Variants in TLX2 observed in about 807,000 individuals in gnomAD.
TLX2 encodes T cell leukemia homeobox 2, also known as T-cell leukemia homeobox protein 2.
Under a neutral mutation model 21.7 loss-of-function variants are expected in TLX2, and 15 were observed. That is an observed-to-expected ratio of 0.69 (90% CI 0.46 to 1.07). The LOEUF is 1.07. Ranked by LOEUF, TLX2 falls within the 50% of genes least tolerant of loss-of-function variation. The pLI is 0.00. For synonymous variants in TLX2, 213 were observed against 193.1 expected, an observed-to-expected ratio of 1.10 and a Z score of -0.85; for missense variants, 384 against 409.1, an observed-to-expected ratio of 0.94 and a Z score of 0.53.
chr2:74,514,740 T>G lies in TLX2; in HGVS notation c.-67T>G. 1 of 1,602,366 alleles carries G rather than the reference T, an allele frequency of 6.2e-7. No homozygotes were observed. Among genetic ancestry groups the G allele is most frequent in the Non-Finnish European group, 8.5e-7 (1 of 1,175,448 alleles). The stretch of plus-strand genomic sequence containing the variant: ...TCTCCGGAGCGCGCCGCCGCTGGGC[T>G]TCTGGCGCTGCCTGAGGCATCCTCC... On this transcript the variant is annotated 5_prime_UTR_variant, in exon 1 of 3. Coordinates refer to ENST00000233638, the MANE Select transcript of TLX2 (RefSeq NM_016170.5). The surrounding 1 kb of genome is among the most constrained non-coding windows in gnomAD (Gnocchi z 5.0).
In TLX2 at chr2:74,516,514, C is replaced by T; in HGVS notation, c.*325C>T. The T allele has an allele frequency of 8.2e-7, 1 of 1,226,856 alleles. No homozygotes were observed. Among genetic ancestry groups the T allele is most frequent in the Middle Eastern group, 3.2e-4 (1 of 3,124 alleles). The allele number at this position is 1,226,856 out of a possible 1,614,324, so 76.0% of individuals were successfully genotyped here. A position where few individuals can be genotyped will look rare whatever the true frequency, so the allele number is the denominator to read the frequency against. Reference sequence around the variant, plus strand: ...GGGCTGGCCAATGGGAGCTGCTTTCCTGAGGGACTCGAAATTCTCCGGCGG... The same window carrying T: ...GGGCTGGCCAATGGGAGCTGCTTTCTTGAGGGACTCGAAATTCTCCGGCGG... On this transcript the variant is annotated 3_prime_UTR_variant, in exon 3 of 3. Coordinates refer to ENST00000233638, the MANE Select transcript of TLX2 (RefSeq NM_016170.5).
In TLX2 at chr2:74,516,420, G is replaced by C; in HGVS notation, c.*231G>C. The C allele has an allele frequency of 2.1e-6, 3 of 1,414,842 alleles. No individual in the cohort carries two copies. The highest frequency in any genetic ancestry group is 2.8e-6 in the Non-Finnish European group (3 of 1,082,752). The allele number at this position is 1,414,842 out of a possible 1,614,324, so 87.6% of individuals were successfully genotyped here. ...TTCACTTCACTGCCGTTACGCCCTCGCTGGAACCTGAGGCGCCGAGAGGGC... is the reference window on the plus strand; with the variant it reads ...TTCACTTCACTGCCGTTACGCCCTCCCTGGAACCTGAGGCGCCGAGAGGGC... On this transcript the variant is annotated 3_prime_UTR_variant, in exon 3 of 3. Transcript: ENST00000233638.
rs755556297 is a variant in TLX2, at chr2:74,516,036, G to T, written c.702G>T (p.Leu234=). ...RHRAGRLLLH[L]QQDALPRPLR... Reference sequence around the variant, plus strand: ...GCGCGGGCCGGCTGCTCCTGCATCTGCAGCAGGACGCGTTGCCACGGCCGC... The same window carrying T: ...GCGCGGGCCGGCTGCTCCTGCATCTTCAGCAGGACGCGTTGCCACGGCCGC... The change falls in exon 3 of 3, where the codon CTG becomes CTT. Residue 234 remains leucine, a synonymous_variant. Transcript: ENST00000233638. The T allele has an allele frequency of 1.3e-5, 21 of 1,564,662 alleles. No homozygotes were observed. The highest frequency in any genetic ancestry group is 6.9e-5 in the South Asian group (6 of 86,392).
chr2:74,514,667 G>C lies in TLX2; in HGVS notation c.-140G>C. 1 of 1,496,872 alleles carries C rather than the reference G, an allele frequency of 6.7e-7. No individual in the cohort carries two copies. The highest frequency in any genetic ancestry group is 1.4e-5 in the African/African-American group (1 of 69,208). The allele number at this position is 1,496,872 out of a possible 1,614,324, so 92.7% of individuals were successfully genotyped here. ...GTGCACAGGGATGCTGCTGTTTCGG[G>C]GACCCCGGCGCCCTGCCTTGGCCAG... is the stretch of plus-strand genomic sequence containing the variant. On this transcript the variant is annotated 5_prime_UTR_variant, in exon 1 of 3. Transcript: ENST00000233638. The surrounding 1 kb of genome is among the most constrained non-coding windows in gnomAD (Gnocchi z 5.0).
In TLX2 at chr2:74,515,752, C is replaced by T. The variant is rs142188865; in HGVS notation, c.520C>T (p.Arg174Trp). ...FSRSQVLELE[R>W]RFLRQKYLAS... is the part of the protein sequence containing the mutation. Reference sequence around the variant, plus strand: ...CCGCTCACAGGTGCTGGAGTTGGAGCGGCGCTTCCTGCGCCAGAAGTACCT... The same window carrying T: ...CCGCTCACAGGTGCTGGAGTTGGAGTGGCGCTTCCTGCGCCAGAAGTACCT... Residue 174 changes from arginine (R) to tryptophan (W), a missense_variant, in exon 2 of 3, where the codon CGG (arginine) becomes TGG (tryptophan). Coordinates refer to ENST00000233638, the MANE Select transcript of TLX2 (RefSeq NM_016170.5). This position sits in a 1 kb window ranked among gnomAD's most constrained non-coding sequence, Gnocchi z 6.6. 1.2e-6 allele frequency: 2 copies of T among 1,613,328 alleles called. No homozygotes were observed. Among genetic ancestry groups the T allele is most frequent in the East Asian group, 2.2e-5 (1 of 44,892 alleles).
Position 74,516,060 on chromosome 2 carries a change from G to T in TLX2, c.726G>T (p.Pro242=). The part of the protein sequence containing the change: ...LHLQQDALPR[P]LRPPLPPDPL... ...TGCAGCAGGACGCGTTGCCACGGCC[G>T]CTGCGGCCGCCGCTGCCCCCGGACC... Residue 242 remains proline, a synonymous_variant, in exon 3 of 3, where the codon CCG becomes CCT. Transcript: ENST00000233638. 6.3e-7 allele frequency: 1 copy of T among 1,585,032 alleles called. No individual in the cohort carries two copies. Among genetic ancestry groups the T allele is most frequent in the Non-Finnish European group, 8.5e-7 (1 of 1,171,636 alleles).
At position 74,514,901 on chromosome 2, in the gene TLX2, G is replaced by A. The variant is rs763326631; in HGVS notation, c.95G>A (p.Gly32Glu). The A allele has an allele frequency of 4.3e-6, 7 of 1,611,866 alleles. No homozygotes were observed. The highest frequency in any genetic ancestry group is 5.9e-6 in the Non-Finnish European group (7 of 1,179,346). The change falls in exon 1 of 3, where the codon GGG becomes GAG. Residue 32 changes from glycine (G) to glutamate (E), a missense_variant. By Grantham distance (98) the Gly-to-Glu change is moderately conservative (BLOSUM62 -2). Coordinates refer to ENST00000233638, the MANE Select transcript of TLX2 (RefSeq NM_016170.5). The surrounding 1 kb of genome is among the most constrained non-coding windows in gnomAD (Gnocchi z 5.0). ...DQILSGPETP[G>E]GGLGLGRGGQ... ...ATCCTGAGCGGCCCCGAAACCCCAGGGGGCGGTCTAGGCCTGGGTCGCGGG... is the reference window on the plus strand; with the variant it reads ...ATCCTGAGCGGCCCCGAAACCCCAGAGGGCGGTCTAGGCCTGGGTCGCGGG...
Position 74,514,566 on chromosome 2 carries a change from G to A in TLX2, c.-241G>A. ...CAGCAAGGAAGCTCCAGGGGCCCCA[G>A]CTGGCCGTGCTCCCCCGGGATGCAA... On this transcript the variant is annotated 5_prime_UTR_variant, in exon 1 of 3. Coordinates refer to ENST00000233638, the MANE Select transcript of TLX2 (RefSeq NM_016170.5). The surrounding 1 kb of genome is among the most constrained non-coding windows in gnomAD (Gnocchi z 5.0). The A allele has an allele frequency of 7.1e-7, 1 of 1,399,196 alleles. No individual in the cohort carries two copies. Among genetic ancestry groups the A allele is most frequent in the Non-Finnish European group, 9.2e-7 (1 of 1,083,526 alleles). The allele number at this position is 1,399,196 out of a possible 1,614,324, so 86.7% of individuals were successfully genotyped here.
Position 74,515,778 on chromosome 2 carries a change from G to C in TLX2, c.546G>C (p.Leu182=). 1 of 1,613,220 alleles carries C rather than the reference G, an allele frequency of 6.2e-7. No individual in the cohort carries two copies. The highest frequency in any genetic ancestry group is 8.5e-7 in the Non-Finnish European group (1 of 1,179,908). ...GGCGCTTCCTGCGCCAGAAGTACCT[G>C]GCCTCTGCGGAGAGGGCGGCGCTGG... ...LERRFLRQKY[L]ASAERAALAK... is the part of the protein sequence containing the mutation. The change falls in exon 2 of 3, where the codon CTG becomes CTC. Residue 182 remains leucine, a synonymous_variant. Coordinates refer to ENST00000233638, the MANE Select transcript of TLX2 (RefSeq NM_016170.5). This position sits in a 1 kb window ranked among gnomAD's most constrained non-coding sequence, Gnocchi z 6.6.
In TLX2 at chr2:74,516,289, G is replaced by C. The variant is rs532848614; in HGVS notation, c.*100G>C. 3.9e-6 allele frequency: 6 copies of C among 1,528,122 alleles called. No homozygotes were observed. The African/African-American group carries it at 8.3e-5, about 21-fold the overall frequency. 94.7% of individuals were successfully genotyped at this position (1,528,122 alleles called of 1,614,324 possible). ...AGTGGCAGCCGGGCGCGTGAGGAGC[G>C]GCAGGCCTTGAGGCTGTCGTCGAGG... On this transcript the variant is annotated 3_prime_UTR_variant, in exon 3 of 3. Coordinates refer to ENST00000233638, the MANE Select transcript of TLX2 (RefSeq NM_016170.5).
chr2:74,514,678 C>T lies in TLX2; in HGVS notation c.-129C>T. ...TGCTGCTGTTTCGGGGACCCCGGCG[C>T]CCTGCCTTGGCCAGCCCCGCGGGCC... is the stretch of plus-strand genomic sequence containing the variant. On this transcript the variant is annotated 5_prime_UTR_variant, in exon 1 of 3. Transcript: ENST00000233638. This position sits in a 1 kb window ranked among gnomAD's most constrained non-coding sequence, Gnocchi z 5.0. 1 of 1,515,830 alleles carries T rather than the reference C, an allele frequency of 6.6e-7. No homozygotes were observed. The allele number at this position is 1,515,830 out of a possible 1,614,324, so 93.9% of individuals were successfully genotyped here. A position where few individuals can be genotyped will look rare whatever the true frequency, so the allele number is the denominator to read the frequency against.
In TLX2 at chr2:74,515,780, C is replaced by T. The variant is rs748584194; in HGVS notation, c.548C>T (p.Ala183Val). ...CGCTTCCTGCGCCAGAAGTACCTGG[C>T]CTCTGCGGAGAGGGCGGCGCTGGCC... is the stretch of plus-strand genomic sequence containing the variant. ...ERRFLRQKYL[A>V]SAERAALAKA... is the part of the protein sequence containing the mutation. The change falls in exon 2 of 3, where the codon GCC becomes GTC. Residue 183 changes from alanine to valine, a missense_variant. Transcript: ENST00000233638. This position sits in a 1 kb window ranked among gnomAD's most constrained non-coding sequence, Gnocchi z 6.6. 3.7e-6 allele frequency: 6 copies of T among 1,613,118 alleles called. No individual in the cohort carries two copies. Among genetic ancestry groups the T allele is most frequent in the Admixed American group, 3.3e-5 (2 of 59,980 alleles).
At position 74,515,957 on chromosome 2, in the gene TLX2, C is replaced by A. The variant is rs748944972; in HGVS notation, c.639-16C>A. ...CGCGGCGGGCGCCCCGCTGACCCCG[C>A]GTCTCCCTCCCTTAGGCGCCAGACG... On this transcript the variant is annotated splice_polypyrimidine_tract_variant and intron_variant, in intron 2 of 2. Coordinates refer to ENST00000233638, the MANE Select transcript of TLX2 (RefSeq NM_016170.5). This position sits in a 1 kb window ranked among gnomAD's most constrained non-coding sequence, Gnocchi z 6.6. 1.4e-6 allele frequency: 2 copies of A among 1,476,076 alleles called. No individual in the cohort carries two copies. The highest frequency in any genetic ancestry group is 2.8e-5 in the South Asian group (2 of 71,368). 91.4% of individuals were successfully genotyped at this position (1,476,076 alleles called of 1,614,324 possible). A position where few individuals can be genotyped will look rare whatever the true frequency, so the allele number is the denominator to read the frequency against.
chr2:74,516,949 G>A lies in TLX2; in HGVS notation c.*760G>A, dbSNP rs1558599614. On this transcript the variant is annotated 3_prime_UTR_variant, in exon 3 of 3. Coordinates refer to ENST00000233638, the MANE Select transcript of TLX2 (RefSeq NM_016170.5). ...AAAGTTAATGGGCCCAGTGGAGTTA[G>A]GGTGAAGAGAATTTGGAAAATAATT... 6.6e-6 allele frequency: 1 copy of A among 152,314 alleles called. No individual in the cohort carries two copies. The highest frequency in any genetic ancestry group is 1.5e-5 in the Non-Finnish European group (1 of 68,104). The allele number at this position is 152,314 out of a possible 1,614,324, so 9.4% of individuals were successfully genotyped here.
chr2:74,514,931 AG>A lies in TLX2; in HGVS notation c.128del (p.Gly43ValfsTer38). On this transcript the variant is annotated frameshift_variant, in exon 1 of 3. Coordinates refer to ENST00000233638, the MANE Select transcript of TLX2 (RefSeq NM_016170.5). LOFTEE classifies it high-confidence loss of function. This position sits in a 1 kb window ranked among gnomAD's most constrained non-coding sequence, Gnocchi z 5.0. The stretch of plus-strand genomic sequence containing the variant: ...GGTCTAGGCCTGGGTCGCGGGGGCC[AG>A]GGTCATGGGGAGAATGGGGCGTTCT... ...GGGLGLGRGG[Q>X]GHGENGAFSG... is the part of the protein sequence containing the mutation. 1 of 1,606,806 alleles carries A rather than the reference AG, an allele frequency of 6.2e-7. No individual in the cohort carries two copies. The highest frequency in any genetic ancestry group is 1.1e-5 in the South Asian group (1 of 90,344).
Position 74,516,678 on chromosome 2 carries a change from C to A in TLX2, c.*489C>A. On this transcript the variant is annotated 3_prime_UTR_variant, in exon 3 of 3. Coordinates refer to ENST00000233638, the MANE Select transcript of TLX2 (RefSeq NM_016170.5). The stretch of plus-strand genomic sequence containing the variant: ...GGGGTGCTGGAGCGCGAGAGGCTGG[C>A]TGATTGTGACCGAAACCAGAGGGTT... 1 of 323,914 alleles carries A rather than the reference C, an allele frequency of 3.1e-6. No homozygotes were observed. The allele number at this position is 323,914 out of a possible 1,614,324, so 20.1% of individuals were successfully genotyped here. A position where few individuals can be genotyped will look rare whatever the true frequency, so the allele number is the denominator to read the frequency against.
chr2:74,515,730 C>A lies in TLX2; in HGVS notation c.498C>A (p.Arg166=). 1 of 1,613,630 alleles carries A rather than the reference C, an allele frequency of 6.2e-7. No individual in the cohort carries two copies. The highest frequency in any genetic ancestry group is 8.5e-7 in the Non-Finnish European group (1 of 1,179,984). The stretch of plus-strand genomic sequence containing the variant: ...AGAAGCCGCGCACGTCCTTCTCCCG[C>A]TCACAGGTGCTGGAGTTGGAGCGGC... ...KRKKPRTSFS[R]SQVLELERRF... The change falls in exon 2 of 3, where the codon CGC becomes CGA. Residue 166 remains arginine, a synonymous_variant. Transcript: ENST00000233638. This position sits in a 1 kb window ranked among gnomAD's most constrained non-coding sequence, Gnocchi z 6.6.
chr2:74,514,553 T>A lies in TLX2; in HGVS notation c.-254T>A. ...TGCGCTTAAGAGCCAGCAAGGAAGC[T>A]CCAGGGGCCCCAGCTGGCCGTGCTC... On this transcript the variant is annotated 5_prime_UTR_variant, in exon 1 of 3. Coordinates refer to ENST00000233638, the MANE Select transcript of TLX2 (RefSeq NM_016170.5). This position sits in a 1 kb window ranked among gnomAD's most constrained non-coding sequence, Gnocchi z 5.0. 1 of 1,386,366 alleles carries A rather than the reference T, an allele frequency of 7.2e-7. No homozygotes were observed. Among genetic ancestry groups the A allele is most frequent in the Non-Finnish European group, 9.3e-7 (1 of 1,075,436 alleles). 85.9% of individuals were successfully genotyped at this position (1,386,366 alleles called of 1,614,324 possible).
At position 74,516,236 on chromosome 2, in the gene TLX2, A is replaced by C; in HGVS notation, c.*47A>C. On this transcript the variant is annotated 3_prime_UTR_variant, in exon 3 of 3. Coordinates refer to ENST00000233638, the MANE Select transcript of TLX2 (RefSeq NM_016170.5). ...TGGAGCGCCGGGCCCGGAGCGGTGGAGCGCGCGGCTGCCTGCGTCCATGGT... is the reference window on the plus strand; with the variant it reads ...TGGAGCGCCGGGCCCGGAGCGGTGGCGCGCGCGGCTGCCTGCGTCCATGGT... The C allele has an allele frequency of 1.3e-5, 20 of 1,579,638 alleles. No individual in the cohort carries two copies. The highest frequency in any genetic ancestry group is 1.7e-5 in the Non-Finnish European group (20 of 1,165,708).
Sources: allele counts gnomAD v4.1 joint callset, GRCh38; gene constraint gnomAD v4.1.1; non-coding constraint Gnocchi (gnomAD v3.1); transcripts MANE v1.5; gene names NCBI Gene and HGNC (gene_info 2026-07-23, HGNC 2026-07-21).